Variants in PSD4 observed in about 807,000 individuals in gnomAD.
The protein encoded by PSD4 is PH and SEC7 domain-containing protein 4.
PSD4 carries 59 observed loss-of-function variants against 112.5 expected under a neutral mutation model. That is an observed-to-expected ratio of 0.52 (90% confidence interval 0.43 to 0.65). PSD4 has a LOEUF of 0.65. Ranked by LOEUF, PSD4 falls within the 30% of genes least tolerant of loss-of-function variation. The probability of loss-of-function intolerance (pLI) is 0.00; values close to 1 mark genes in which losing one functional copy is unlikely to be tolerated. For missense variants in PSD4, 1,267 were observed against 1,352.6 expected (o/e 0.94, Z 0.99); for synonymous variants, 533 against 540.0 (o/e 0.99, Z 0.18).
At position 113,193,467 on chromosome 2, in the gene PSD4, T is replaced by A. The variant is rs1688513602; in HGVS notation, c.2032+97T>A. The A allele has an allele frequency of 2.0e-6, 3 of 1,473,700 alleles. No homozygotes were observed. The Admixed American group carries it at 5.1e-5, about 25-fold the overall frequency. The allele number at this position is 1,473,700 out of a possible 1,614,324, so 91.3% of individuals were successfully genotyped here. On this transcript the variant is annotated intron_variant, in intron 8 of 16. Coordinates refer to ENST00000245796, the MANE Select transcript of PSD4 (RefSeq NM_012455.3). ...AGGTGACAGTGAACTGGTGGGAGTG[T>A]GTTGGGGGCTGTGGAGAATGGAAGC...
rs773017089 is a variant in PSD4, at chr2:113,182,760, C to A, written c.304C>A (p.Gln102Lys). 3 of 1,593,830 alleles carry A rather than the reference C, an allele frequency of 1.9e-6. No individual in the cohort carries two copies. Among genetic ancestry groups the A allele is most frequent in the East Asian group, 4.5e-5 (2 of 44,628 alleles). Residue 102 changes from glutamine (Q) to lysine (K), a missense_variant, in exon 2 of 17, where the codon CAA becomes AAA. By Grantham distance (53) the Gln-to-Lys change is moderately conservative. Around this residue, in one of 2 missense-constraint regions of PSD4, gnomAD observed 723 missense variants for 704.0 expected, o/e 1.03. Transcript: ENST00000245796. ...CACTGACCCTCCTGAATCTACCAGA[C>A]AAGATGCTCCTCCCTGGGGCTCCGG... The part of the protein sequence containing the change: ...RATDPPESTR[Q>K]DAPPWGSGVE...
chr2:113,188,505 GC>G lies in PSD4; in HGVS notation c.1628+2252del, dbSNP rs563309532. Among the ~76,000 whole-genome samples, 300 of 152,216 alleles carry G rather than the reference GC, an allele frequency of 2.0e-3. 1 individual carries two copies. Among genetic ancestry groups the G allele is most frequent in the African/African-American group, 6.9e-3 (285 of 41,504 alleles). Reference sequence around the variant, plus strand: ...TTGTCTTGAACTCTCGAATCCACTCGCCTCAGTCTGTCAAAGTGCTGGGATT... The same window carrying G: ...TTGTCTTGAACTCTCGAATCCACTCGCTCAGTCTGTCAAAGTGCTGGGATT... On this transcript the variant is annotated intron_variant, in intron 5 of 16. Transcript: ENST00000245796.
rs546428381 is a variant in PSD4 at position 113,185,945 on chromosome 2, C to A, written c.1318C>A (p.Pro440Thr). The part of the protein sequence containing the change: ...CTLAPCPWRS[P>T]ASSPEPSSPE... ...CTTGGCCCCCTGCCCCTGGAGGAGC[C>A]CAGCTTCTTCTCCAGAGCCTAGCAG... is the stretch of plus-strand genomic sequence containing the variant. Residue 440 changes from proline to threonine, a missense_variant, in exon 5 of 17, where the codon CCA (proline) becomes ACA (threonine). Transcript: ENST00000245796. The A allele has an allele frequency of 4.5e-5, 73 of 1,614,004 alleles. No individual in the cohort carries two copies. The highest frequency in any genetic ancestry group is 2.2e-4 in the Admixed American group (13 of 60,022).
chr2:113,180,649 C>T (rs1688106205), intron 1 of PSD4, among the ~76,000 whole-genome samples: 1 of 147,416 alleles, frequency 6.8e-6, no homozygotes, highest in Non-Finnish European at 1.5e-5. Flanking sequence ...CAGGCTAAGG[C>T]TTCCTCATCT....
Position 113,183,369 on chromosome 2 carries a change from G to A in PSD4, c.913G>A (p.Asp305Asn), listed in dbSNP as rs758755541. Residue 305 changes from aspartate (D) to asparagine (N), a missense_variant, in exon 2 of 17, where the codon GAT becomes AAT. Physicochemically the swap from Asp to Asn is conservative, Grantham distance 23. This residue lies in a region of PSD4 where 723 missense variants were observed against 704.0 expected (regional missense o/e 1.03). Transcript: ENST00000245796. The part of the protein sequence containing the change: ...TVLWELESEP[D>N]LGDGAAISGH... ...GCTGTGGGAGCTGGAAAGTGAGCCAGATTTGGGGGACGGCGCTGCTATCAG... is the reference window on the plus strand; with the variant it reads ...GCTGTGGGAGCTGGAAAGTGAGCCAAATTTGGGGGACGGCGCTGCTATCAG... 6.3e-7 allele frequency: 1 copy of A among 1,583,768 alleles called. No homozygotes were observed. Among genetic ancestry groups the A allele is most frequent in the South Asian group, 1.2e-5 (1 of 86,434 alleles).
At position 113,182,985 on chromosome 2, in the gene PSD4, A is replaced by G. The variant is rs1340350839; in HGVS notation, c.529A>G (p.Thr177Ala). The change falls in exon 2 of 17, where the codon ACG becomes GCG. Residue 177 changes from threonine to alanine, a missense_variant. Physicochemically the swap from Thr to Ala is moderately conservative, Grantham distance 58 (BLOSUM62 0). Around this residue, in one of 2 missense-constraint regions of PSD4, gnomAD observed 723 missense variants for 704.0 expected, o/e 1.03. Coordinates refer to ENST00000245796, the MANE Select transcript of PSD4 (RefSeq NM_012455.3). Reference protein sequence around the residue: ...VLDLEEELEKTEGLKAGLKCC... With the variant: ...VLDLEEELEKAEGLKAGLKCC... ...AGACCTGGAGGAGGAGCTGGAGAAG[A>G]CGGAAGGGCTCAAGGCTGGGCTGAA... The G allele has an allele frequency of 3.1e-6, 5 of 1,614,024 alleles. No homozygotes were observed. The South Asian group carries it at 4.4e-5, about 14-fold the overall frequency.
chr2:113,194,968 C>T (rs776589586), intron 10 of PSD4, among the ~76,000 whole-genome samples: 1 of 152,282 alleles, frequency 6.6e-6, no homozygotes, highest in Non-Finnish European at 1.5e-5. Context: ...ATAACATCTA[C>T]GTTAATATGT....
At chr2:113,189,856 G>T (rs1457406769) in intron 5 of PSD4, among the ~76,000 whole-genome samples, 1 of 152,014 alleles carries the variant, frequency 6.6e-6, no homozygotes, top group African/African-American at 2.4e-5. Flanking sequence ...CTTCTTGATG[G>T]GATTATTTGT....
chr2:113,177,563 A>AG (rs1029661857), intron 1 of PSD4, among the ~76,000 whole-genome samples: 2 of 152,184 alleles, frequency 1.3e-5, no homozygotes, highest in African/African-American at 2.4e-5. Flanking sequence ...CTCAAGTCAC[A>AG]GGGGGGCCTG....
rs1688811404 is a variant in PSD4 at position 113,203,010 on chromosome 2, T to C, written c.*1595T>C. The C allele has an allele frequency of 6.6e-6, 1 of 152,358 alleles. No individual in the cohort carries two copies. The highest frequency in any genetic ancestry group is 2.4e-5 in the African/African-American group (1 of 41,478). The allele number at this position is 152,358 out of a possible 1,614,324, so 9.4% of individuals were successfully genotyped here. On this transcript the variant is annotated 3_prime_UTR_variant, in exon 17 of 17. Coordinates refer to ENST00000245796, the MANE Select transcript of PSD4 (RefSeq NM_012455.3). ...CATCCCTCTTTGCTCCAAGTGTGTA[T>C]GTGTGTCTGTGCATGTGTGTAGTGT...
rs957240304 is a variant in PSD4 at position 113,205,712 on chromosome 2, T to G, written c.*4297T>G. ...TATGGCCTGCAAATGCACTGTACTA[T>G]TTGTGTAACTTATATGTAAATCTGA... On this transcript the variant is annotated 3_prime_UTR_variant, in exon 17 of 17. Coordinates refer to ENST00000245796, the MANE Select transcript of PSD4 (RefSeq NM_012455.3). The G allele has an allele frequency of 1.6e-4, 24 of 152,198 alleles. No individual in the cohort carries two copies. Among genetic ancestry groups the G allele is most frequent in the African/African-American group, 5.5e-4 (23 of 41,456 alleles). 9.4% of individuals were successfully genotyped at this position (152,198 alleles called of 1,614,324 possible).
At position 113,193,277 on chromosome 2, in the gene PSD4, G is replaced by C. The variant is rs1204902393; in HGVS notation, c.1939G>C (p.Val647Leu). 2 of 1,588,706 alleles carry C rather than the reference G, an allele frequency of 1.3e-6. No homozygotes were observed. The highest frequency in any genetic ancestry group is 1.7e-6 in the Non-Finnish European group (2 of 1,169,590). ...TTGCAGGAGCTTCCTCCAGGCCTTG[G>C]TGCTCAGTGGGGAGACTCAGGAACG... ...RALRSFLQAL[V>L]LSGETQERER... Residue 647 changes from valine to leucine, a missense_variant, in exon 8 of 17, where the codon GTG becomes CTG. Physicochemically the swap from Val to Leu is conservative, Grantham distance 32. Around this residue, in one of 2 missense-constraint regions of PSD4, gnomAD observed 544 missense variants for 648.6 expected, o/e 0.84. Coordinates refer to ENST00000245796, the MANE Select transcript of PSD4 (RefSeq NM_012455.3).
chr2:113,186,676 G>A (rs1191086945), intron 5 of PSD4, among the ~76,000 whole-genome samples: 2 of 152,190 alleles, frequency 1.3e-5, no homozygotes, highest in African/African-American at 4.8e-5. Flanking sequence ...ATTTGAGGAG[G>A]TATCTGGGAG....
intron 10 of PSD4, among the ~76,000 whole-genome samples, chr2:113,195,163 A>AT (rs1303849882): frequency 2.6e-5 from 3 of 114,602 alleles, no homozygotes; most frequent in Non-Finnish European, 5.5e-5. Flanking sequence ...CCTGGTCATC[A>AT]TCTTTTTTTT....
rs1688197978 is a variant in PSD4 at position 113,183,173 on chromosome 2, TGAG to T, written c.724_726del (p.Glu242del). 2 of 1,614,158 alleles carry T rather than the reference TGAG, an allele frequency of 1.2e-6. No individual in the cohort carries two copies. The highest frequency in any genetic ancestry group is 1.7e-6 in the Non-Finnish European group (2 of 1,180,012). On this transcript the variant is annotated inframe_deletion, in exon 2 of 17. Transcript: ENST00000245796. ...CAGACTCTTCCCCACAGTGGGGAGCTGAGGAGGAGAGCATGTTCTTCAGCAACC... is the reference window on the plus strand; with the variant it reads ...CAGACTCTTCCCCACAGTGGGGAGCTGAGGAGAGCATGTTCTTCAGCAACC...
chr2:113,188,773 G>A (rs1245118326), intron 5 of PSD4, among the ~76,000 whole-genome samples: 19 of 152,022 alleles, frequency 1.2e-4, no homozygotes, highest in Non-Finnish European at 1.5e-5. Context: ...GTAGAGACGG[G>A]GTTTCCCCGT....
chr2:113,179,612 T>C (rs921803237), intron 1 of PSD4, among the ~76,000 whole-genome samples: 1 of 152,206 alleles, frequency 6.6e-6, no homozygotes, highest in Non-Finnish European at 1.5e-5. Flanking sequence ...AGCCGACCTC[T>C]TATCTCATCC....
Position 113,183,287 on chromosome 2 carries a change from G to A in PSD4, c.831G>A (p.Val277=). 1 of 1,613,952 alleles carries A rather than the reference G, an allele frequency of 6.2e-7. No individual in the cohort carries two copies. The highest frequency in any genetic ancestry group is 8.5e-7 in the Non-Finnish European group (1 of 1,179,866). ...GGGCTTCAGACTCCCATGCAGGTGT[G>A]AGGACTGGACCTGAGAGCCCAGCGA... ...SWGASDSHAG[V]RTGPESPATL... Residue 277 remains valine (V), a synonymous_variant, in exon 2 of 17, where the codon GTG becomes GTA. Transcript: ENST00000245796.
chr2:113,196,567 T>G (rs1688620435), intron 12 of PSD4: 1 of 402,750 alleles, frequency 2.5e-6, no homozygotes, highest in South Asian at 6.5e-5. Context: ...AGGTAGAGAT[T>G]AGACAAGTGT....
Sources: gnomAD v4.1 joint callset for allele counts (sites outside exome capture counted in the v4.1 genomes callset) on GRCh38, gnomAD v4.1.1 for gene constraint, gnomAD v4.1.1 regional missense constraint, MANE v1.5 for transcripts, NCBI Gene and HGNC (gene_info 2026-07-23, HGNC 2026-07-21) for gene names.